Variants in NPFFR2 observed in about 807,000 individuals in gnomAD.
NPFFR2 encodes neuropeptide FF receptor 2.
A neutral mutation model predicts 13.1 loss-of-function variants in NPFFR2; 15 were observed. The ratio of observed to expected loss-of-function variants is 1.15; its 90% CI spans 0.77 to 1.76. The LOEUF is 1.76. Ranked by LOEUF, NPFFR2 falls within the 40% of genes most tolerant of loss-of-function variation. The probability of loss-of-function intolerance (pLI) is 0.00; values close to 1 mark genes in which losing one functional copy is unlikely to be tolerated. For missense variants in NPFFR2, 572 were observed against 503.5 expected, an observed-to-expected ratio of 1.14 and a Z score of -1.30; for synonymous variants, 190 against 175.7, an observed-to-expected ratio of 1.08 and a Z score of -0.65.
At position 72,039,405 on chromosome 4, in the gene NPFFR2, A is replaced by G. The variant is rs1010255660; in HGVS notation, c.-8+7205A>G. ...TGCCCACCTCTTCTCTTCTGCTTCC[A>G]TATTACAGGTAACCAATCTTAATTG... is the stretch of plus-strand genomic sequence containing the variant. On this transcript the variant is annotated intron_variant, in intron 1 of 3. Coordinates refer to ENST00000308744, the MANE Select transcript of NPFFR2 (RefSeq NM_004885.3). 16 of 984,902 alleles carry G rather than the reference A, an allele frequency of 1.6e-5. No homozygotes were observed. The African/African-American group carries it at 2.4e-4, about 15-fold the overall frequency. 61.0% of individuals were successfully genotyped at this position (984,902 alleles called of 1,614,324 possible).
chr4:72,125,651 C>G (rs6816714), intron 1 of NPFFR2, among the ~76,000 whole-genome samples: 16,025 of 152,136 alleles, frequency 0.11, 2,673 homozygotes, highest in African/African-American at 0.35. Flanking sequence ...AGCTACTACA[C>G]GTTGTCTGCA....
chr4:72,043,258 T>C (rs1306105862), intron 1 of NPFFR2, among the ~76,000 whole-genome samples: 1 of 61,954 alleles, frequency 1.6e-5, no homozygotes, highest in Non-Finnish European at 4.4e-5. Context: ...CTGCAGGGGC[T>C]GATCGCTTGT....
At chr4:72,082,182 T>C (rs12642985) in intron 1 of NPFFR2, among the ~76,000 whole-genome samples, 79,825 of 152,088 alleles carry the variant, frequency 0.52, 23,764 homozygotes, top group Non-Finnish European at 0.67. Context: ...AAAGGATGCA[T>C]GTCTCCCAGA....
At chr4:72,146,757 T>C (rs1722793041) in intron 3 of NPFFR2, 4 of 490,060 alleles carry the variant, frequency 8.2e-6, no homozygotes, top group Admixed American at 3.7e-5. Context: ...TTATTATTAA[T>C]AGTGTCTGCT....
intron 1 of NPFFR2, among the ~76,000 whole-genome samples, chr4:72,107,277 A>C (rs1721443639): frequency 6.6e-6 from 1 of 150,894 alleles, no homozygotes; most frequent in Admixed American, 6.7e-5. Context: ...GTATTATAAA[A>C]GTTAGCATAA....
chr4:72,048,252 G>A (rs1329463859), intron 1 of NPFFR2, among the ~76,000 whole-genome samples: 1 of 152,084 alleles, frequency 6.6e-6, no homozygotes, highest in East Asian at 1.9e-4. Flanking sequence ...TGGATTCTTG[G>A]AGAAGTGAGG....
intron 1 of NPFFR2, among the ~76,000 whole-genome samples, chr4:72,115,512 C>T (rs1235804476): frequency 6.6e-6 from 1 of 152,106 alleles, no homozygotes; most frequent in East Asian, 1.9e-4. Context: ...CATGTGTGTC[C>T]TTGGTCTTAT....
chr4:72,087,603 G>T (rs4519766), intron 1 of NPFFR2, among the ~76,000 whole-genome samples: 145,566 of 151,998 alleles, frequency 0.96, 70,030 homozygotes, highest in East Asian at 1. Context: ...GTATAGGATG[G>T]GGAAGGAAAG....
intron 1 of NPFFR2, among the ~76,000 whole-genome samples, chr4:72,066,719 T>C (rs4308341): frequency 0.96 from 146,221 of 152,234 alleles, 70,509 homozygotes; most frequent in East Asian, 1. Flanking sequence ...AACAACACTC[T>C]ATCTTAAGCC....
At chr4:72,134,459 T>C (rs984667845) in intron 2 of NPFFR2, among the ~76,000 whole-genome samples, 1 of 152,062 alleles carries the variant, frequency 6.6e-6, no homozygotes, top group African/African-American at 2.4e-5. Context: ...AGCACAAACA[T>C]ACATTCATAC....
In NPFFR2 at chr4:72,087,558, GT is replaced by G. The variant is rs1293070314; in HGVS notation, c.-7-41026del. Among the ~76,000 whole-genome samples, 15 of 32,478 alleles carry G rather than the reference GT, an allele frequency of 4.6e-4. No individual in the cohort carries two copies. In the South Asian group the frequency reaches 6.5e-3, roughly 14 times the overall value. The allele number at this position is 32,478 out of a possible 152,430, so 21.3% of individuals were successfully genotyped here. A position where few individuals can be genotyped will look rare whatever the true frequency, so the allele number is the denominator to read the frequency against. On this transcript the variant is annotated intron_variant, in intron 1 of 3. Coordinates refer to ENST00000308744, the MANE Select transcript of NPFFR2 (RefSeq NM_004885.3). ...ATTAATACATGATGGTCTTGTGTAG[GT>G]AATCTTCTTCAGTTGTGATGGATGA...
At chr4:72,112,249 G>A (rs1721585893) in intron 1 of NPFFR2, among the ~76,000 whole-genome samples, 1 of 138,794 alleles carries the variant, frequency 7.2e-6, no homozygotes, top group Non-Finnish European at 1.7e-5. Flanking sequence ...TAAGAAGTGG[G>A]AGGGAGGATC....
At chr4:72,087,538 T>C (rs1720802170) in intron 1 of NPFFR2, among the ~76,000 whole-genome samples, 1 of 122,032 alleles carries the variant, frequency 8.2e-6, no homozygotes, top group African/African-American at 2.8e-5. Context: ...TAAGCATTAA[T>C]ACATGATGGT....
At chr4:72,079,478 G>C (rs1720541095) in intron 1 of NPFFR2, among the ~76,000 whole-genome samples, 1 of 152,028 alleles carries the variant, frequency 6.6e-6, no homozygotes, top group Non-Finnish European at 1.5e-5. Flanking sequence ...CTATAATTAA[G>C]AAATAAGAAC....
At chr4:72,066,504 A>T (rs1172125345) in intron 1 of NPFFR2, among the ~76,000 whole-genome samples, 1 of 152,092 alleles carries the variant, frequency 6.6e-6, no homozygotes, top group African/African-American at 2.4e-5. Flanking sequence ...AATATTTCTC[A>T]ATCAGATATG....
In NPFFR2 at chr4:72,037,503, A is replaced by T. The variant is rs182191163; in HGVS notation, c.-8+5303A>T. ...TCTTGGCACACTGATAATAAACTGA[A>T]TGTGGGGTCTTTCTAGGATCACATC... On this transcript the variant is annotated intron_variant, in intron 1 of 3. Coordinates refer to ENST00000308744, the MANE Select transcript of NPFFR2 (RefSeq NM_004885.3). Among the ~76,000 whole-genome samples, 9 of 152,038 alleles carry T rather than the reference A, an allele frequency of 5.9e-5. No homozygotes were observed. In the East Asian group the frequency reaches 1.7e-3, roughly 29 times the overall value.
chr4:72,142,667 A>G (rs1001367581), intron 3 of NPFFR2, among the ~76,000 whole-genome samples: 1 of 152,214 alleles, frequency 6.6e-6, no homozygotes, highest in African/African-American at 2.4e-5. Flanking sequence ...AAAATAAATA[A>G]TTGGAGATGG....
At chr4:72,130,050 C>A (rs568510201) in intron 2 of NPFFR2, among the ~76,000 whole-genome samples, 2 of 146,074 alleles carry the variant, frequency 1.4e-5, no homozygotes, top group South Asian at 2.3e-4. Context: ...TCAGAGAGCA[C>A]GGGGTTGGGG....
At chr4:72,140,241 C>T (rs1722559596) in intron 3 of NPFFR2, among the ~76,000 whole-genome samples, 1 of 152,156 alleles carries the variant, frequency 6.6e-6, no homozygotes, top group African/African-American at 2.4e-5. Flanking sequence ...TAATTGAATA[C>T]ACTTTATTGC....
Sources: allele counts gnomAD v4.1 joint callset (sites outside exome capture counted in the v4.1 genomes callset), GRCh38; gene constraint gnomAD v4.1.1; transcripts MANE v1.5; gene names NCBI Gene and HGNC (gene_info 2026-07-23, HGNC 2026-07-21).